Variants in CACNA2D3 observed in about 807,000 individuals in gnomAD.
CACNA2D3 encodes voltage-dependent calcium channel subunit alpha-2/delta-3.
Under a neutral mutation model 160.6 loss-of-function variants are expected in CACNA2D3, and 60 were observed. That is an observed-to-expected ratio of 0.37 (90% CI 0.30 to 0.46). The LOEUF (loss-of-function observed/expected upper bound fraction) is 0.46. CACNA2D3 is among the 20% of genes least tolerant of loss of function. The pLI is 1.00. For missense variants in CACNA2D3, 1,205 were observed against 1,365.0 expected, an observed-to-expected ratio of 0.88 and a Z score of 1.85; for synonymous variants, 558 against 492.9, an observed-to-expected ratio of 1.13 and a Z score of -1.75.
intron 3 of CACNA2D3, among the ~76,000 whole-genome samples, chr3:54,330,295 CT>C (rs1704219171): frequency 6.6e-6 from 1 of 151,508 alleles, no homozygotes; most frequent in Non-Finnish European, 1.5e-5. Flanking sequence ...CTTAGAGAGC[CT>C]CCCCTCACTG....
chr3:54,854,407 G>A (rs765302433), intron 17 of CACNA2D3, among the ~76,000 whole-genome samples: 1 of 152,194 alleles, frequency 6.6e-6, no homozygotes, highest in Non-Finnish European at 1.5e-5. Context: ...GGGTGCCTGG[G>A]TTTCTGTTGG....
chr3:54,647,223 GATA>G (rs1699669169), intron 11 of CACNA2D3, among the ~76,000 whole-genome samples: 1 of 152,232 alleles, frequency 6.6e-6, no homozygotes, highest in Admixed American at 6.5e-5. Flanking sequence ...AAAACTGTGA[GATA>G]ATAATAACTG....
chr3:54,817,585 G>A (rs1372322820), intron 14 of CACNA2D3, among the ~76,000 whole-genome samples: 1 of 152,288 alleles, frequency 6.6e-6, no homozygotes, highest in East Asian at 1.9e-4. Context: ...CACAAATTCT[G>A]GAAGACACAG....
chr3:54,197,078 T>G (rs1227541450), intron 2 of CACNA2D3, among the ~76,000 whole-genome samples: 1 of 152,208 alleles, frequency 6.6e-6, no homozygotes, highest in Non-Finnish European at 1.5e-5. Context: ...AGATTTAAAT[T>G]TTTTAAAGAG....
At chr3:54,481,669 CT>C (rs1490077346) in intron 4 of CACNA2D3, among the ~76,000 whole-genome samples, 3 of 152,210 alleles carry the variant, frequency 2.0e-5, no homozygotes, top group African/African-American at 4.8e-5. Context: ...TATTCCACCC[CT>C]GACTACAGGC....
intron 2 of CACNA2D3, among the ~76,000 whole-genome samples, chr3:54,206,180 C>T (rs930569460): frequency 2.6e-5 from 4 of 152,126 alleles, no homozygotes; most frequent in African/African-American, 7.2e-5. Context: ...ATTCTCTTTT[C>T]GCATTTCTAG....
rs186571844 is a variant in CACNA2D3, at chr3:54,251,922, G to C, written c.205-68520G>C. ...TGCTGGGTTATAGCGAGGCCCTGGT[G>C]TTTTACTGTTCCAGCTTGCCTGTTG... On this transcript the variant is annotated intron_variant, in intron 2 of 37. Coordinates refer to ENST00000474759, the MANE Select transcript of CACNA2D3 (RefSeq NM_018398.3). 1.3e-4 allele frequency among the ~76,000 whole-genome samples: 20 copies of C among 152,272 alleles called. No homozygotes were observed. In the East Asian group the frequency reaches 3.1e-3, roughly 24 times the overall value.
chr3:54,885,125 T>C (rs1699891399), intron 21 of CACNA2D3, among the ~76,000 whole-genome samples, 156 bp from the exon 22 acceptor site: 1 of 152,072 alleles, frequency 6.6e-6, no homozygotes, highest in Non-Finnish European at 1.5e-5. Flanking sequence ...ACTCGTTTAT[T>C]TTCCTCAGAA....
At position 54,551,823 on chromosome 3, in the gene CACNA2D3, G is replaced by A. The variant is rs535450910; in HGVS notation, c.545-10977G>A. On this transcript the variant is annotated intron_variant, in intron 5 of 37. Transcript: ENST00000474759. ...TTGCTGGTGGGAAAAGAGGGATTCT[G>A]TGCTCACCCCATTTCTGAACCTTTC... Among the ~76,000 whole-genome samples the A allele has an allele frequency of 2.0e-5, 3 of 152,300 alleles. No homozygotes were observed. In the East Asian group the frequency reaches 5.8e-4, roughly 29 times the overall value.
intron 9 of CACNA2D3, among the ~76,000 whole-genome samples, chr3:54,601,793 A>G (rs1470822538): frequency 6.6e-6 from 1 of 151,942 alleles, no homozygotes; most frequent in Non-Finnish European, 1.5e-5. Context: ...TGTTTGACTC[A>G]TTTTTGGAGT....
At chr3:54,372,483 G>T (rs1299065363) in intron 3 of CACNA2D3, among the ~76,000 whole-genome samples, 1 of 152,132 alleles carries the variant, frequency 6.6e-6, no homozygotes, top group Non-Finnish European at 1.5e-5. Context: ...CTAGAACCAT[G>T]CACGGGGTAC....
Position 54,148,977 on chromosome 3 carries a change from A to T in CACNA2D3, c.204+25383A>T, listed in dbSNP as rs1443443018. On this transcript the variant is annotated intron_variant, in intron 2 of 37. Transcript: ENST00000474759. Reference sequence around the variant, plus strand: ...GGGTGACAGAGCAAAACTCCATCAAAAAAAAAAAAAAAAAAAAAATAGACA... The same window carrying T: ...GGGTGACAGAGCAAAACTCCATCAATAAAAAAAAAAAAAAAAAAATAGACA... Among the ~76,000 whole-genome samples, 363 of 144,852 alleles carry T rather than the reference A, an allele frequency of 2.5e-3. 1 individual carries two copies. The highest frequency in any genetic ancestry group is 7.8e-3 in the African/African-American group (314 of 40,494).
intron 4 of CACNA2D3, among the ~76,000 whole-genome samples, chr3:54,489,578 A>G (rs1198485891): frequency 2.6e-5 from 4 of 152,236 alleles, no homozygotes; most frequent in African/African-American, 9.6e-5. Flanking sequence ...CTGGGTGGTT[A>G]TAAACTCATT....
chr3:54,662,633 C>T (rs974285816), intron 11 of CACNA2D3, among the ~76,000 whole-genome samples: 3 of 152,218 alleles, frequency 2.0e-5, no homozygotes, highest in Non-Finnish European at 4.4e-5. Flanking sequence ...CCAGCAAGTG[C>T]GTCTGCTGGG....
intron 16 of CACNA2D3, among the ~76,000 whole-genome samples, chr3:54,841,031 A>C (rs1261824301): frequency 6.6e-6 from 1 of 152,200 alleles, no homozygotes; most frequent in Non-Finnish European, 1.5e-5. Context: ...CCCAAGAGCC[A>C]TGATTTTAAC....
At chr3:54,312,678 A>G (rs1273266400) in intron 2 of CACNA2D3, among the ~76,000 whole-genome samples, 1 of 152,200 alleles carries the variant, frequency 6.6e-6, no homozygotes, top group Non-Finnish European at 1.5e-5. Context: ...TTCCTTCCCA[A>G]ATGATAAATG....
At chr3:54,619,915 G>A (rs1205688370) in intron 9 of CACNA2D3, among the ~76,000 whole-genome samples, 3 of 152,212 alleles carry the variant, frequency 2.0e-5, no homozygotes, top group Non-Finnish European at 4.4e-5. Context: ...ATCCCAGGTT[G>A]AGGTTAGGGT....
intron 27 of CACNA2D3, among the ~76,000 whole-genome samples, chr3:54,938,100 G>C (rs1241462693): frequency 6.6e-6 from 1 of 152,192 alleles, no homozygotes; most frequent in Non-Finnish European, 1.5e-5. Context: ...GTTGGCAGTT[G>C]TGGGCAAATC....
intron 4 of CACNA2D3, among the ~76,000 whole-genome samples, chr3:54,432,403 T>G (rs1370983947): frequency 2.6e-5 from 4 of 152,298 alleles, no homozygotes; most frequent in Middle Eastern, 3.4e-3. Context: ...AGCAAAAAAA[T>G]GCAGATGTGT....
Sources: gnomAD v4.1 joint callset for allele counts (sites outside exome capture counted in the v4.1 genomes callset) on GRCh38, gnomAD v4.1.1 for gene constraint, MANE v1.5 for transcripts, NCBI Gene and HGNC (gene_info 2026-07-23, HGNC 2026-07-21) for gene names.